PTGER3: variants seen among roughly 807,000 people sequenced by gnomAD.
The protein encoded by PTGER3 is prostaglandin E2 receptor EP3 subtype.
In PTGER3, 22 loss-of-function variants were observed where a neutral mutation model predicts 34.7. The observed-to-expected ratio is 0.63, with a 90% CI of 0.45 to 0.91. The LOEUF (loss-of-function observed/expected upper bound fraction) is 0.91. Among genes scored for constraint, PTGER3 ranks in the 40% least tolerant of loss-of-function variants. The pLI, the probability that PTGER3 is intolerant of heterozygous loss-of-function variation, is 0.00. For missense variants in PTGER3, 468 were observed against 519.4 expected, an observed-to-expected ratio of 0.90 and a Z score of 0.96; for synonymous variants, 241 against 230.1, an observed-to-expected ratio of 1.05 and a Z score of -0.43.
intron 1 of PTGER3, among the ~76,000 whole-genome samples, chr1:71,045,950 G>C (rs897965751): frequency 2.0e-5 from 3 of 151,746 alleles, no homozygotes; most frequent in Non-Finnish European, 4.4e-5. Context: ...GACTGTATGG[G>C]GTTGCAGACT....
chr1:70,981,878 T>C (rs537476808), intron 2 of PTGER3, among the ~76,000 whole-genome samples: 1 of 152,228 alleles, frequency 6.6e-6, no homozygotes, highest in South Asian at 2.1e-4. Flanking sequence ...CATCAATCAA[T>C]TGACTCATGG....
intron 4 of PTGER3, among the ~76,000 whole-genome samples, chr1:70,859,265 A>G (rs1416247288): frequency 1.3e-5 from 2 of 152,262 alleles, no homozygotes; most frequent in South Asian, 4.1e-4. Flanking sequence ...CATTTGCATA[A>G]CAATACAAAA....
chr1:70,971,754 A>G (rs1346745910), intron 3 of PTGER3, 21 bp from the exon 4 acceptor site: 11 of 1,484,044 alleles, frequency 7.4e-6, no homozygotes, highest in Non-Finnish European at 1.0e-5. Flanking sequence ...AGAGAGAGAA[A>G]GATGCAATAA....
At chr1:70,979,274 G>T (rs1051960669) in intron 2 of PTGER3, among the ~76,000 whole-genome samples, 9 of 151,574 alleles carry the variant, frequency 5.9e-5, no homozygotes, top group Admixed American at 5.3e-4. Context: ...ATGTCTATAA[G>T]TGAGTAGATA....
intron 4 of PTGER3, among the ~76,000 whole-genome samples, chr1:70,917,094 G>T (rs1221632332): frequency 6.6e-6 from 1 of 151,814 alleles, no homozygotes; most frequent in African/African-American, 2.4e-5. Context: ...ATTTGCTAGA[G>T]TCACTCTACT....
intron 2 of PTGER3, among the ~76,000 whole-genome samples, chr1:70,986,801 G>A (rs550917765): frequency 6.6e-6 from 1 of 152,254 alleles, no homozygotes; most frequent in Middle Eastern, 3.4e-3. Flanking sequence ...AACCATGAAA[G>A]ACAACATTTG....
At chr1:71,007,881 G>A in intron 2 of PTGER3, 1 of 985,220 alleles carries the variant, frequency 1.0e-6, no homozygotes, top group South Asian at 4.7e-5. Flanking sequence ...CTTGAGAAGT[G>A]GAATCATCTC....
chr1:71,011,958 CA>C, intron 2 of PTGER3: 1 of 1,286,926 alleles, frequency 7.8e-7, no homozygotes, highest in South Asian at 2.0e-5. Context: ...GTTTTCATCA[CA>C]TAATTAATCA....
chr1:70,939,372 C>T (rs559085861), intron 4 of PTGER3, among the ~76,000 whole-genome samples: 1 of 152,350 alleles, frequency 6.6e-6, no homozygotes, highest in Non-Finnish European at 1.5e-5. Flanking sequence ...ATGGTGCAAG[C>T]TGTCAGTGGA....
chr1:70,981,291 TCTTCCTTCCTTC>T (rs140006481), intron 2 of PTGER3, among the ~76,000 whole-genome samples: 15 of 80,150 alleles, frequency 1.9e-4, no homozygotes, highest in African/African-American at 4.9e-4. Context: ...TCTCTCTCTC[TCTTCCTTCCTTC>T]CTTCCTTCCT....
intron 4 of PTGER3, among the ~76,000 whole-genome samples, chr1:70,894,019 C>T (rs1190006181): frequency 6.6e-6 from 1 of 152,084 alleles, no homozygotes; most frequent in Non-Finnish European, 1.5e-5. Context: ...TTTTAAAGTG[C>T]CTGATAGGTG....
At chr1:71,029,884 C>T (rs1019960844) in intron 1 of PTGER3, among the ~76,000 whole-genome samples, 1 of 151,530 alleles carries the variant, frequency 6.6e-6, no homozygotes, top group Non-Finnish European at 1.5e-5. Flanking sequence ...CGAGATCACG[C>T]TACTGCACTC....
chr1:70,977,196 T>C (rs985370616), intron 2 of PTGER3, among the ~76,000 whole-genome samples: 10 of 152,128 alleles, frequency 6.6e-5, no homozygotes, highest in African/African-American at 2.4e-4. Context: ...TGAAAGAAGA[T>C]TGATGTGTAA....
In PTGER3 at chr1:70,971,846, C is replaced by A. The variant is rs149239558; in HGVS notation, c.1170-113G>T. On this transcript the variant is annotated intron_variant, in intron 3 of 3. Transcript: ENST00000306666. ...AAGTAATAAATTTGTTTGCTTTAAA[C>A]GTTTAAAACATTCTCTTTTGAAGTA... is the stretch of plus-strand genomic sequence containing the variant. The A allele has an allele frequency of 1.2e-4, 84 of 674,118 alleles. No homozygotes were observed. The Admixed American group carries it at 1.3e-3, about 11-fold the overall frequency. 41.8% of individuals were successfully genotyped at this position (674,118 alleles called of 1,614,324 possible).
At chr1:70,879,147 T>C (rs575129739) in intron 4 of PTGER3, among the ~76,000 whole-genome samples, 1 of 152,322 alleles carries the variant, frequency 6.6e-6, no homozygotes, top group East Asian at 1.9e-4. Flanking sequence ...TGAATTTGGG[T>C]GCACCTGTGT....
chr1:70,954,530 G>A (rs766008455), intron 2 of PTGER3, among the ~76,000 whole-genome samples: 5 of 152,024 alleles, frequency 3.3e-5, no homozygotes, highest in Non-Finnish European at 5.9e-5. Flanking sequence ...CCTGCAAATG[G>A]GCATTAAGAT....
At chr1:70,953,221 A>G (rs1650956038) in intron 3 of PTGER3, among the ~76,000 whole-genome samples, 1 of 152,190 alleles carries the variant, frequency 6.6e-6, no homozygotes, top group East Asian at 1.9e-4. Flanking sequence ...TAAAATGTTC[A>G]GGAGGATGTG....
intron 4 of PTGER3, among the ~76,000 whole-genome samples, chr1:70,912,563 A>G (rs2100398417): frequency 1.3e-5 from 2 of 152,198 alleles, no homozygotes; most frequent in South Asian, 4.1e-4. Context: ...TCAAAATGAA[A>G]GGTACATGTA....
chr1:70,937,080 A>C (rs1649296872), intron 4 of PTGER3, among the ~76,000 whole-genome samples: 1 of 152,214 alleles, frequency 6.6e-6, no homozygotes, highest in Admixed American at 6.5e-5. Flanking sequence ...TTGGCCCAAA[A>C]CAAGGTTGGC....
Sources: allele counts gnomAD v4.1 joint callset (sites outside exome capture counted in the v4.1 genomes callset), GRCh38; gene constraint gnomAD v4.1.1; transcripts MANE v1.5; gene names NCBI Gene and HGNC (gene_info 2026-07-23, HGNC 2026-07-21).